Variants in KCNIP4 observed in about 807,000 individuals in gnomAD.
The protein encoded by KCNIP4 is Kv channel-interacting protein 4.
In KCNIP4, 12 loss-of-function variants were observed where a neutral mutation model predicts 34.0. That is an observed-to-expected ratio of 0.35 (90% CI 0.23 to 0.57). The LOEUF is 0.57. Among genes scored for constraint, KCNIP4 ranks in the 20% least tolerant of loss-of-function variants. The pLI is 0.83. For synonymous variants in KCNIP4, 124 were observed against 102.2 expected, an observed-to-expected ratio of 1.21 and a Z score of -1.29; for missense variants, 238 against 311.7, an observed-to-expected ratio of 0.76 and a Z score of 1.78.
intron 1 of KCNIP4, among the ~76,000 whole-genome samples, chr4:21,469,801 C>T (rs1265925315): frequency 4.6e-5 from 7 of 151,638 alleles, no homozygotes; most frequent in East Asian, 1.9e-4. Context: ...GTGATAATAC[C>T]GAAATTAAAA....
chr4:20,928,397 A>G (rs1730108969), intron 1 of KCNIP4, among the ~76,000 whole-genome samples: 1 of 152,006 alleles, frequency 6.6e-6, no homozygotes, highest in East Asian at 1.9e-4. Context: ...GAAAAACTCA[A>G]AAGGGAAGTT....
intron 1 of KCNIP4, among the ~76,000 whole-genome samples, chr4:21,195,076 T>C (rs1755960028): frequency 6.6e-6 from 1 of 152,190 alleles, no homozygotes; most frequent in African/African-American, 2.4e-5. Flanking sequence ...TTCTCCTCTA[T>C]ATTCTCCTGG....
intron 1 of KCNIP4, among the ~76,000 whole-genome samples, chr4:21,534,760 C>A (rs1167223036): frequency 6.6e-6 from 1 of 152,124 alleles, no homozygotes; most frequent in South Asian, 2.1e-4. Flanking sequence ...CCCAGGAGAA[C>A]CACGAGCCCA....
At chr4:20,839,173 T>C (rs1159744036) in intron 3 of KCNIP4, among the ~76,000 whole-genome samples, 1 of 152,138 alleles carries the variant, frequency 6.6e-6, no homozygotes, top group Non-Finnish European at 1.5e-5. Context: ...CAAATCTGTA[T>C]GTGTGAATAT....
At chr4:20,748,700 A>G (rs1269891381) in intron 5 of KCNIP4, among the ~76,000 whole-genome samples, 1 of 149,110 alleles carries the variant, frequency 6.7e-6, no homozygotes, top group Admixed American at 6.8e-5. Context: ...AGCACAACCC[A>G]ATCAGAATGT....
intron 1 of KCNIP4, among the ~76,000 whole-genome samples, chr4:21,567,889 G>A (rs929218612): frequency 2.0e-5 from 3 of 152,082 alleles, no homozygotes; most frequent in African/African-American, 7.2e-5. Context: ...TACCAGTGGG[G>A]CAGAAACACA....
At position 21,025,552 on chromosome 4, in the gene KCNIP4, T is replaced by TTTG. The variant is rs1740470017; in HGVS notation, c.62-142844_62-142843insCAA. The stretch of plus-strand genomic sequence containing the variant: ...GTCACTCATTGATACTGTTTTTTTT[T>TTTG]TTTTTTTTTTTTTTTTTTTGAGACG... On this transcript the variant is annotated intron_variant, in intron 1 of 8. Transcript: ENST00000382152. Among the ~76,000 whole-genome samples the TTTG allele has an allele frequency of 2.8e-5, 2 of 72,688 alleles. 1 individual carries two copies. The highest frequency in any genetic ancestry group is 5.4e-5 in the Non-Finnish European group (2 of 37,078). 47.7% of individuals were successfully genotyped at this position (72,688 alleles called of 152,430 possible). A position where few individuals can be genotyped will look rare whatever the true frequency, so the allele number is the denominator to read the frequency against.
At chr4:21,760,063 A>G (rs1422295085) in intron 1 of KCNIP4, among the ~76,000 whole-genome samples, 1 of 152,084 alleles carries the variant, frequency 6.6e-6, no homozygotes, top group Non-Finnish European at 1.5e-5. Context: ...CATCCTACAA[A>G]TAGAAATATT....
chr4:21,297,837 A>G (rs1195804764), intron 1 of KCNIP4, among the ~76,000 whole-genome samples: 2 of 152,130 alleles, frequency 1.3e-5, no homozygotes, highest in Non-Finnish European at 2.9e-5. Context: ...CAGATTCTTA[A>G]ATACAATTTT....
At chr4:21,204,005 A>G (rs1007588610) in intron 1 of KCNIP4, among the ~76,000 whole-genome samples, 1 of 152,148 alleles carries the variant, frequency 6.6e-6, no homozygotes, top group African/African-American at 2.4e-5. Context: ...TGAGAATGAA[A>G]CTTGCATTAT....
intron 1 of KCNIP4, among the ~76,000 whole-genome samples, chr4:21,785,029 T>TG (rs1461469049): frequency 6.6e-6 from 1 of 152,172 alleles, no homozygotes; most frequent in Non-Finnish European, 1.5e-5. Context: ...ACCCATCCCT[T>TG]GCAGTCAATA....
chr4:20,873,918 T>C (rs928324011), intron 2 of KCNIP4, among the ~76,000 whole-genome samples: 5 of 152,300 alleles, frequency 3.3e-5, no homozygotes, highest in South Asian at 2.1e-4. Flanking sequence ...TCCTCCTTTT[T>C]TTCCCCTCTG....
At chr4:21,357,752 A>T (rs1209307627) in intron 1 of KCNIP4, among the ~76,000 whole-genome samples, 1 of 152,184 alleles carries the variant, frequency 6.6e-6, no homozygotes, top group Non-Finnish European at 1.5e-5. Flanking sequence ...ATTGTGAAAG[A>T]CAGTGTGGTG....
At chr4:21,178,910 T>C (rs1754641539) in intron 1 of KCNIP4, among the ~76,000 whole-genome samples, 2 of 151,398 alleles carry the variant, frequency 1.3e-5, no homozygotes, top group African/African-American at 4.9e-5. Context: ...CTTGACCTCC[T>C]GGGTTCAGGT....
chr4:21,599,813 T>C (rs544312327), intron 1 of KCNIP4, among the ~76,000 whole-genome samples: 1 of 152,176 alleles, frequency 6.6e-6, no homozygotes, highest in Non-Finnish European at 1.5e-5. Flanking sequence ...CCAGAAGAAT[T>C]GAGTTTAAGA....
intron 3 of KCNIP4, among the ~76,000 whole-genome samples, chr4:20,826,310 C>CA (rs754713639): frequency 5.9e-5 from 9 of 152,226 alleles, no homozygotes; most frequent in East Asian, 3.9e-4. Context: ...CATTGTGGCT[C>CA]ACGTCTGTAG....
At chr4:21,503,635 T>C (rs1481685739) in intron 1 of KCNIP4, among the ~76,000 whole-genome samples, 1 of 152,186 alleles carries the variant, frequency 6.6e-6, no homozygotes, top group African/African-American at 2.4e-5. Context: ...GAAATGTCTA[T>C]ATGGAAGAAC....
intron 1 of KCNIP4, among the ~76,000 whole-genome samples, chr4:20,990,431 C>A (rs1227407725): frequency 2.0e-5 from 3 of 152,162 alleles, no homozygotes; most frequent in African/African-American, 7.2e-5. Context: ...AGTACCACAG[C>A]CTTCTGTTTT....
intron 1 of KCNIP4, among the ~76,000 whole-genome samples, chr4:21,176,959 T>A (rs537707138): frequency 2.0e-5 from 3 of 152,240 alleles, no homozygotes; most frequent in Admixed American, 6.5e-5. Context: ...GATAAGCAGA[T>A]ATTCAGTGAG....
Sources: gnomAD v4.1 joint callset for allele counts (sites outside exome capture counted in the v4.1 genomes callset) on GRCh38, gnomAD v4.1.1 for gene constraint, MANE v1.5 for transcripts, NCBI Gene and HGNC (gene_info 2026-07-23, HGNC 2026-07-21) for gene names.